Variants in SAE1 observed in about 807,000 individuals in gnomAD.
The protein encoded by SAE1 is SUMO1 activating enzyme subunit 1.
A neutral mutation model predicts 40.6 loss-of-function variants in SAE1; 11 were observed. That is an observed-to-expected ratio of 0.27 (90% CI 0.17 to 0.45). The LOEUF is 0.45. SAE1 is among the 20% of genes least tolerant of loss of function. The pLI is 1.00. For synonymous variants in SAE1, 155 were observed against 154.3 expected (o/e 1.00, Z -0.03); for missense variants, 373 against 427.3 (o/e 0.87, Z 1.12).
At chr19:47,159,795 G>A (rs2058347391) in intron 5 of SAE1, among the ~76,000 whole-genome samples, 1 of 152,152 alleles carries the variant, frequency 6.6e-6, no homozygotes, top group African/African-American at 2.4e-5. Context: ...CTGGGTTCAA[G>A]CAATTCTCCT....
chr19:47,132,003 CTTTTG>C (rs1053849207), intron 1 of SAE1, among the ~76,000 whole-genome samples: 3 of 151,728 alleles, frequency 2.0e-5, no homozygotes, highest in Non-Finnish European at 4.4e-5. Context: ...GCCAGGACGT[CTTTTG>C]TTTTGTGCAG....
At chr19:47,160,515 C>T (rs2058353376) in intron 5 of SAE1, among the ~76,000 whole-genome samples, 1 of 151,406 alleles carries the variant, frequency 6.6e-6, no homozygotes, top group Non-Finnish European at 1.5e-5. Context: ...CTGCCTCAGC[C>T]TCCCGAGTAG....
chr19:47,187,873 A>T (rs968227781), intron 6 of SAE1, among the ~76,000 whole-genome samples: 8 of 151,866 alleles, frequency 5.3e-5, no homozygotes, highest in African/African-American at 1.9e-4. Context: ...TCCCCTAGTT[A>T]TCCTTTATTC....
At chr19:47,137,903 A>G (rs1050279035) in intron 1 of SAE1, among the ~76,000 whole-genome samples, 1 of 151,380 alleles carries the variant, frequency 6.6e-6, no homozygotes, top group African/African-American at 2.4e-5. Flanking sequence ...TGATTTTTAT[A>G]TTTTTAGTAG....
At chr19:47,167,685 G>A (rs1307867964) in intron 5 of SAE1, among the ~76,000 whole-genome samples, 1 of 152,016 alleles carries the variant, frequency 6.6e-6, no homozygotes, top group Non-Finnish European at 1.5e-5. Context: ...TATCTGGTTG[G>A]GAGGGTATGG....
chr19:47,200,399 A>ATTTTT (rs35657499), intron 7 of SAE1, among the ~76,000 whole-genome samples: 1,471 of 101,842 alleles, frequency 0.014, no homozygotes, highest in Non-Finnish European at 0.019. Context: ...AGCCTGCCTA[A>ATTTTT]TTTTTTTTTT....
intron 6 of SAE1, among the ~76,000 whole-genome samples, chr19:47,173,994 C>T (rs2058451904): frequency 1.3e-5 from 2 of 152,106 alleles, no homozygotes; most frequent in African/African-American, 2.4e-5. Context: ...CCGCGTTAGC[C>T]AGGATGGTCT....
chr19:47,206,393 C>G (rs1165174152), intron 8 of SAE1, among the ~76,000 whole-genome samples: 2 of 152,228 alleles, frequency 1.3e-5, no homozygotes, highest in Non-Finnish European at 2.9e-5. Flanking sequence ...TCAGACTCAC[C>G]TTTCTCTCCT....
intron 6 of SAE1, among the ~76,000 whole-genome samples, chr19:47,191,400 G>A (rs532238442): frequency 6.6e-6 from 1 of 152,314 alleles, no homozygotes; most frequent in African/African-American, 2.4e-5. Context: ...TATAGCCAAA[G>A]CAGAGGATAT....
intron 5 of SAE1, among the ~76,000 whole-genome samples, chr19:47,167,867 T>A (rs1215199923): frequency 6.6e-6 from 1 of 152,174 alleles, no homozygotes; most frequent in East Asian, 1.9e-4. Context: ...CTTGGCTATC[T>A]TAAACTTCTT....
In SAE1 at chr19:47,150,472, A is replaced by G. The variant is rs1299238221; in HGVS notation, c.384+97A>G. 8 of 968,608 alleles carry G rather than the reference A, an allele frequency of 8.3e-6. No individual in the cohort carries two copies. In the East Asian group the frequency reaches 1.7e-4, roughly 21 times the overall value. The allele number at this position is 968,608 out of a possible 1,614,324, so 60.0% of individuals were successfully genotyped here. ...TCCCAAAGCAATCTGAGAGCATTCA[A>G]ATATCAAATTCTGAGCTTTTTCCCA... On this transcript the variant is annotated intron_variant, in intron 3 of 8. Coordinates refer to ENST00000270225, the MANE Select transcript of SAE1 (RefSeq NM_005500.3).
intron 6 of SAE1, among the ~76,000 whole-genome samples, chr19:47,179,615 A>T (rs567094132): frequency 9.9e-5 from 15 of 152,204 alleles, no homozygotes; most frequent in Non-Finnish European, 2.1e-4. Context: ...TCACGATCAT[A>T]ACTTACTGCA....
At chr19:47,190,629 T>C (rs986525591) in intron 6 of SAE1, among the ~76,000 whole-genome samples, 3 of 152,208 alleles carry the variant, frequency 2.0e-5, no homozygotes, top group African/African-American at 7.2e-5. Context: ...GGTATGTGGA[T>C]GGTGCCAGCC....
At chr19:47,200,309 T>G (rs1476781212) in intron 7 of SAE1, among the ~76,000 whole-genome samples, 2 of 150,258 alleles carry the variant, frequency 1.3e-5, no homozygotes, top group Admixed American at 1.3e-4. Flanking sequence ...CATAGCTCAC[T>G]GCAGCATCAA....
intron 8 of SAE1, among the ~76,000 whole-genome samples, chr19:47,204,293 G>T (rs2058673067): frequency 6.9e-6 from 1 of 145,930 alleles, no homozygotes; most frequent in African/African-American, 2.6e-5. Context: ...CACCTCCCGG[G>T]TTCACGCCAT....
intron 6 of SAE1, among the ~76,000 whole-genome samples, chr19:47,175,179 G>T (rs987323057): frequency 7.9e-5 from 11 of 140,036 alleles, no homozygotes; most frequent in African/African-American, 2.6e-4. Flanking sequence ...TCAGGATGCA[G>T]GGTGGCTTTG....
intron 7 of SAE1, among the ~76,000 whole-genome samples, chr19:47,202,035 G>A (rs779433731): frequency 3.9e-5 from 6 of 152,138 alleles, no homozygotes; most frequent in African/African-American, 9.7e-5. Flanking sequence ...TGGCCAGGGC[G>A]TAAGGAGCCG....
chr19:47,151,569 T>G (rs1367505471), intron 3 of SAE1, among the ~76,000 whole-genome samples: 1 of 152,122 alleles, frequency 6.6e-6, no homozygotes, highest in East Asian at 1.9e-4. Context: ...CCTCCCTGGT[T>G]TAAGCAGTTT....
At chr19:47,192,354 G>A (rs546312505) in intron 6 of SAE1, among the ~76,000 whole-genome samples, 2 of 151,542 alleles carry the variant, frequency 1.3e-5, no homozygotes, top group African/African-American at 4.8e-5. Flanking sequence ...GGGTTTGAGC[G>A]ACTCCTGCCT....
Sources: gnomAD v4.1 joint callset for allele counts (sites outside exome capture counted in the v4.1 genomes callset) on GRCh38, gnomAD v4.1.1 for gene constraint, MANE v1.5 for transcripts, NCBI Gene and HGNC (gene_info 2026-07-23, HGNC 2026-07-21) for gene names.